Variants in LRRC4C observed in about 807,000 individuals in gnomAD.
LRRC4C encodes leucine rich repeat containing 4C, also known as leucine-rich repeat-containing protein 4C.
A neutral mutation model predicts 33.6 loss-of-function variants in LRRC4C; 5 were observed. The observed-to-expected ratio is 0.15, with a 90% CI of 0.08 to 0.31. The LOEUF (loss-of-function observed/expected upper bound fraction) is 0.31. LRRC4C is among the 10% of genes least tolerant of loss of function. LRRC4C has a pLI of 1.00. For missense variants in LRRC4C, 560 were observed against 796.7 expected (o/e 0.70, Z 3.58); for synonymous variants, 329 against 302.0 (o/e 1.09, Z -0.93).
chr11:40,880,994 G>A (rs1259780879), intron 2 of LRRC4C, among the ~76,000 whole-genome samples: 1 of 151,888 alleles, frequency 6.6e-6, no homozygotes, highest in Non-Finnish European at 1.5e-5. Context: ...AAGGGCCAGA[G>A]AATAAGCAAC....
intron 1 of LRRC4C, among the ~76,000 whole-genome samples, chr11:41,172,606 C>A (rs1945024182): frequency 6.6e-6 from 1 of 152,134 alleles, no homozygotes; most frequent in Admixed American, 6.6e-5. Flanking sequence ...TCAGCTCTTA[C>A]ACCATTAATT....
chr11:41,006,728 C>T (rs893675529), intron 1 of LRRC4C, among the ~76,000 whole-genome samples: 8 of 151,970 alleles, frequency 5.3e-5, no homozygotes, highest in South Asian at 2.1e-4. Context: ...AAGAGAGAGA[C>T]TAGAGAAAGA....
chr11:41,253,060 C>T (rs192167475), intron 1 of LRRC4C, among the ~76,000 whole-genome samples: 14 of 152,164 alleles, frequency 9.2e-5, no homozygotes, highest in South Asian at 6.2e-4. Context: ...AGAGTCAAGA[C>T]GATCATTCAC....
chr11:41,089,983 C>A (rs1940288731), intron 1 of LRRC4C, among the ~76,000 whole-genome samples: 1 of 150,882 alleles, frequency 6.6e-6, no homozygotes, highest in African/African-American at 2.4e-5. Flanking sequence ...TGATTGGAAA[C>A]AATTTAATAG....
chr11:40,508,381 C>T (rs1381792854), intron 3 of LRRC4C, among the ~76,000 whole-genome samples: 2 of 151,676 alleles, frequency 1.3e-5, no homozygotes, highest in South Asian at 2.1e-4. Context: ...GAAGGCTTGG[C>T]AAAAATAATG....
At chr11:40,164,273 C>T (rs547185956) in intron 5 of LRRC4C, among the ~76,000 whole-genome samples, 12 of 152,292 alleles carry the variant, frequency 7.9e-5, no homozygotes, top group Admixed American at 2.0e-4. Flanking sequence ...GGGAAACATA[C>T]ACAATGGAAT....
chr11:40,701,028 A>C (rs1945840938), intron 2 of LRRC4C, among the ~76,000 whole-genome samples: 1 of 152,182 alleles, frequency 6.6e-6, no homozygotes, highest in South Asian at 2.1e-4. Flanking sequence ...TTACATTATG[A>C]ATCTTTCACT....
chr11:40,653,782 T>A (rs1279399857), intron 2 of LRRC4C, among the ~76,000 whole-genome samples: 2 of 152,002 alleles, frequency 1.3e-5, no homozygotes, highest in Non-Finnish European at 2.9e-5. Flanking sequence ...GGGGAAAATA[T>A]CTCCAGGGCA....
At chr11:40,488,748 G>C (rs1272622641) in intron 3 of LRRC4C, among the ~76,000 whole-genome samples, 1 of 152,014 alleles carries the variant, frequency 6.6e-6, no homozygotes, top group African/African-American at 2.4e-5. Flanking sequence ...CACATCCTGT[G>C]CTTCCCTTTT....
chr11:40,967,057 A>G (rs181597263), intron 1 of LRRC4C, among the ~76,000 whole-genome samples: 135 of 152,190 alleles, frequency 8.9e-4, no homozygotes, highest in Non-Finnish European at 1.7e-3. Context: ...ACATTCAGAC[A>G]TGAAAATAAA....
chr11:40,250,131 C>A (rs1348628933), intron 4 of LRRC4C, among the ~76,000 whole-genome samples: 1 of 150,916 alleles, frequency 6.6e-6, no homozygotes, highest in Non-Finnish European at 1.5e-5. Context: ...TATCGATGAA[C>A]TACCTTCTTT....
At chr11:41,424,136 T>C (rs1356967165) in intron 1 of LRRC4C, among the ~76,000 whole-genome samples, 1 of 152,000 alleles carries the variant, frequency 6.6e-6, no homozygotes, top group African/African-American at 2.4e-5. Context: ...TATTGAGAGC[T>C]ACTAGAAGAA....
intron 3 of LRRC4C, among the ~76,000 whole-genome samples, chr11:40,333,112 G>A (rs1009571435): frequency 1.3e-5 from 2 of 152,110 alleles, no homozygotes; most frequent in African/African-American, 2.4e-5. Flanking sequence ...AAATAGCATA[G>A]AGAGTGAAGG....
intron 3 of LRRC4C, among the ~76,000 whole-genome samples, chr11:40,365,669 G>T (rs150007232): frequency 1.3e-5 from 2 of 152,122 alleles, no homozygotes; most frequent in Non-Finnish European, 2.9e-5. Flanking sequence ...TAAATGTCAT[G>T]AGTGGTGACT....
intron 1 of LRRC4C, among the ~76,000 whole-genome samples, chr11:41,228,256 A>G (rs1013531232): frequency 1.3e-5 from 2 of 152,076 alleles, no homozygotes; most frequent in Admixed American, 6.6e-5. Flanking sequence ...TCTCATATAG[A>G]TAGATCAATA....
chr11:40,575,247 G>T (rs1010626308), intron 3 of LRRC4C, among the ~76,000 whole-genome samples: 13 of 151,988 alleles, frequency 8.6e-5, no homozygotes, highest in African/African-American at 3.1e-4. Context: ...CACGTCATGG[G>T]GTTCCCAGCC....
At chr11:40,559,010 A>G (rs1957439889) in intron 3 of LRRC4C, among the ~76,000 whole-genome samples, 2 of 152,102 alleles carry the variant, frequency 1.3e-5, no homozygotes, top group Non-Finnish European at 2.9e-5. Flanking sequence ...TTCACCTCCC[A>G]TCTATGTTCC....
intron 4 of LRRC4C, among the ~76,000 whole-genome samples, chr11:40,256,498 T>C (rs116366446): frequency 0.016 from 2,500 of 152,140 alleles, 47 homozygotes; most frequent in South Asian, 0.088. Flanking sequence ...CCTTAACACA[T>C]CCAGTATGTA....
chr11:40,269,484 A>G (rs1942527522), intron 4 of LRRC4C, among the ~76,000 whole-genome samples: 2 of 152,242 alleles, frequency 1.3e-5, no homozygotes, highest in South Asian at 2.1e-4. Context: ...TCCTAAAGGG[A>G]GTCCTGGTGA....
Sources: gnomAD v4.1 joint callset for allele counts (sites outside exome capture counted in the v4.1 genomes callset) on GRCh38, gnomAD v4.1.1 for gene constraint, MANE v1.5 for transcripts, NCBI Gene and HGNC (gene_info 2026-07-23, HGNC 2026-07-21) for gene names.